UNC13C: variants seen among roughly 807,000 people sequenced by gnomAD.
UNC13C encodes the protein unc-13 homolog C.
A neutral mutation model predicts 245.4 loss-of-function variants in UNC13C; 174 were observed. The ratio of observed to expected loss-of-function variants is 0.71; its 90% CI spans 0.63 to 0.80. The LOEUF (loss-of-function observed/expected upper bound fraction) is 0.80. Among genes scored for constraint, UNC13C ranks in the 30% least tolerant of loss-of-function variants. The probability of loss-of-function intolerance (pLI) is 0.00; values close to 1 mark genes in which losing one functional copy is unlikely to be tolerated. For synonymous variants in UNC13C, 992 were observed against 895.1 expected (o/e 1.11, Z -1.93); for missense variants, 2,829 against 2,602.9 (o/e 1.09, Z -1.89).
At chr15:54,614,182 G>C (rs1352159202) in intron 30 of UNC13C, among the ~76,000 whole-genome samples, 1 of 151,836 alleles carries the variant, frequency 6.6e-6, no homozygotes, top group Non-Finnish European at 1.5e-5. Flanking sequence ...TAATTGAAAA[G>C]CTTTCTTTCT....
In UNC13C at chr15:54,013,113, A is replaced by G. The variant is rs1895455896; in HGVS notation, c.210A>G (p.Ser70=). The G allele has an allele frequency of 5.6e-6, 9 of 1,613,944 alleles. No individual in the cohort carries two copies. Among genetic ancestry groups the G allele is most frequent in the Non-Finnish European group, 7.6e-6 (9 of 1,179,866 alleles). ...KSTVKKIAKC[S]STHNLSTEED... ...CTGTAAAGAAGATTGCAAAGTGTTC[A>G]TCCACTCACAACTTATCCACTGAGG... is the stretch of plus-strand genomic sequence containing the variant. The change falls in exon 2 of 33, where the codon TCA becomes TCG. Residue 70 remains serine (S), a synonymous_variant. Transcript: ENST00000260323.
the UNC13C span, among the ~76,000 whole-genome samples, chr15:53,966,201 C>T: frequency 6.6e-6 from 1 of 152,096 alleles, no homozygotes; most frequent in Non-Finnish European, 1.5e-5. Flanking sequence ...TTCTATAAGT[C>T]AGTAGTTGAA....
At chr15:54,151,496 G>A (rs1009916818) in intron 4 of UNC13C, among the ~76,000 whole-genome samples, 1 of 152,022 alleles carries the variant, frequency 6.6e-6, no homozygotes, top group African/African-American at 2.4e-5. Context: ...TCCGCCTCCT[G>A]GGCTAAAGTG....
chr15:54,546,786 A>T lies in UNC13C; in HGVS notation c.5761A>T (p.Lys1921Ter). The T allele has an allele frequency of 6.4e-7, 1 of 1,567,552 alleles. No homozygotes were observed. Among genetic ancestry groups the T allele is most frequent in the Non-Finnish European group, 8.7e-7 (1 of 1,154,692 alleles). The change falls in exon 27 of 33, where the codon AAG (lysine) becomes TAG (stop). Residue 1921 changes from lysine (K) to a stop codon, truncating the protein, a stop_gained. Transcript: ENST00000260323. LOFTEE classifies it high-confidence loss of function. ...VLKRVLKELW[K>*]LVLNKIEKQI... ...AAAGCGAGTTTTAAAAGAGTTATGG[A>T]AGCTAGTTCTCAACAAAATAGAAAA...
chr15:54,274,693 A>G (rs1340428171), intron 10 of UNC13C, among the ~76,000 whole-genome samples: 4 of 39,004 alleles, frequency 1.0e-4, no homozygotes, highest in Non-Finnish European at 1.7e-4. Flanking sequence ...TTTTTTTGAG[A>G]CGGAGTCTCG....
At chr15:54,237,965 G>A (rs2140835890) in intron 7 of UNC13C, among the ~76,000 whole-genome samples, 1 of 151,394 alleles carries the variant, frequency 6.6e-6, no homozygotes, top group East Asian at 1.9e-4. Flanking sequence ...AAGTCCTACT[G>A]ATTTTTTACA....
At chr15:54,606,483 G>T (rs955635245) in intron 30 of UNC13C, among the ~76,000 whole-genome samples, 1 of 152,118 alleles carries the variant, frequency 6.6e-6, no homozygotes, top group African/African-American at 2.4e-5. Context: ...TTGTCATTTA[G>T]TTAGCCTTAA....
At chr15:54,461,454 T>C (rs1891839079) in intron 19 of UNC13C, among the ~76,000 whole-genome samples, 1 of 152,208 alleles carries the variant, frequency 6.6e-6, no homozygotes, top group Non-Finnish European at 1.5e-5. Flanking sequence ...TGGTTTCTTT[T>C]AGCTTAAATG....
intron 7 of UNC13C, among the ~76,000 whole-genome samples, chr15:54,249,121 G>A (rs1372574306): frequency 6.6e-6 from 1 of 152,156 alleles, no homozygotes; most frequent in Non-Finnish European, 1.5e-5. Context: ...CTCTAAGAGT[G>A]CTGGTCTTTC....
the UNC13C span, among the ~76,000 whole-genome samples, chr15:53,866,416 T>C: frequency 1.3e-5 from 2 of 152,214 alleles, no homozygotes; most frequent in Non-Finnish European, 1.5e-5. Context: ...ATATGCAACA[T>C]CAGTAATGAG....
chr15:54,196,208 G>T (rs1460798560), intron 4 of UNC13C, among the ~76,000 whole-genome samples: 1 of 152,048 alleles, frequency 6.6e-6, no homozygotes, highest in Non-Finnish European at 1.5e-5. Context: ...AAGAAAATAA[G>T]GGAACTTTTT....
chr15:53,941,823 C>T, the UNC13C span, among the ~76,000 whole-genome samples: 1 of 152,286 alleles, frequency 6.6e-6, no homozygotes, highest in Non-Finnish European at 1.5e-5. Context: ...CATCTCTGAT[C>T]ATTAAAGAAA....
rs142449010 is a variant in UNC13C, at chr15:54,372,703, G to A, written c.4714-20345G>A. 3.1e-3 allele frequency among the ~76,000 whole-genome samples: 465 copies of A among 152,144 alleles called. 2 individuals carry two copies. The highest frequency in any genetic ancestry group is 0.011 in the African/African-American group (443 of 41,526). On this transcript the variant is annotated intron_variant, in intron 17 of 32. Transcript: ENST00000260323. ...TTCAGGCTTCTGTTTGTAACTGTTTGTTTTACTTTGGATTCCCTGAAAATA... is the reference window on the plus strand; with the variant it reads ...TTCAGGCTTCTGTTTGTAACTGTTTATTTTACTTTGGATTCCCTGAAAATA...
At chr15:53,894,249 C>T in the UNC13C span, among the ~76,000 whole-genome samples, 1 of 152,208 alleles carries the variant, frequency 6.6e-6, no homozygotes, top group Non-Finnish European at 1.5e-5. Context: ...CTGTGTCAAT[C>T]GCGCTGGGAG....
intron 18 of UNC13C, among the ~76,000 whole-genome samples, chr15:54,414,322 C>T (rs998802151): frequency 2.0e-5 from 3 of 152,150 alleles, no homozygotes; most frequent in Non-Finnish European, 4.4e-5. Context: ...TATTCAGCTT[C>T]ATCTGATCTA....
intron 4 of UNC13C, among the ~76,000 whole-genome samples, chr15:54,157,380 T>G (rs2032793495): frequency 6.6e-6 from 1 of 152,244 alleles, no homozygotes; most frequent in Admixed American, 6.5e-5. Flanking sequence ...ATACTCATAA[T>G]CACATTATAA....
chr15:54,583,153 T>G (rs939390), intron 30 of UNC13C, among the ~76,000 whole-genome samples: 5 of 151,806 alleles, frequency 3.3e-5, no homozygotes, highest in South Asian at 4.1e-4. Flanking sequence ...GCCACACCAT[T>G]CCTATCATGA....
At chr15:54,234,507 A>G (rs1376074142) in intron 4 of UNC13C, among the ~76,000 whole-genome samples, 1 of 152,190 alleles carries the variant, frequency 6.6e-6, no homozygotes, top group Non-Finnish European at 1.5e-5. Context: ...TGTAGGATGA[A>G]TTCAGATAAG....
In UNC13C at chr15:54,343,425, G is replaced by A. The variant is rs116998215; in HGVS notation, c.4713+4936G>A. 4.0e-3 allele frequency among the ~76,000 whole-genome samples: 615 copies of A among 152,190 alleles called. 26 individuals carry two copies. The East Asian group carries it at 0.085, about 21-fold the overall frequency. On this transcript the variant is annotated intron_variant, in intron 17 of 32. Transcript: ENST00000260323. ...TGCGATTACAGGCGTGAGCCACCGC[G>A]CCTGGCCCCATGCATAACTTTATAA... is the stretch of plus-strand genomic sequence containing the variant.
Sources: gnomAD v4.1 joint callset for allele counts (sites outside exome capture counted in the v4.1 genomes callset) on GRCh38, gnomAD v4.1.1 for gene constraint, MANE v1.5 for transcripts, NCBI Gene and HGNC (gene_info 2026-07-23, HGNC 2026-07-21) for gene names.